USP14: variants seen among roughly 807,000 people sequenced by gnomAD.
The protein encoded by USP14 is ubiquitin specific peptidase 14.
In USP14, 38 loss-of-function variants were observed where a neutral mutation model predicts 76.5. That is an observed-to-expected ratio of 0.50 (90% CI 0.38 to 0.65). The LOEUF (loss-of-function observed/expected upper bound fraction) is 0.65, where lower values mean the gene tolerates loss of function less well. Among genes scored for constraint, USP14 ranks in the 30% least tolerant of loss-of-function variants. The probability of loss-of-function intolerance (pLI) is 0.00; values close to 1 mark genes in which losing one functional copy is unlikely to be tolerated. For missense variants in USP14, 467 were observed against 586.5 expected (o/e 0.80, Z 2.10); for synonymous variants, 192 against 191.7 (o/e 1.00, Z -0.01).
intron 6 of USP14, among the ~76,000 whole-genome samples, chr18:193,234 G>C (rs1226012197): frequency 1.3e-5 from 2 of 152,124 alleles, no homozygotes; most frequent in African/African-American, 2.4e-5. Context: ...TTATAAAAGA[G>C]GGTCTTAGTG....
rs1025862336 is a variant in USP14, at chr18:178,082, G to A, written c.196-851G>A. Among the ~76,000 whole-genome samples, 120 of 152,236 alleles carry A rather than the reference G, an allele frequency of 7.9e-4. 2 individuals carry two copies. The highest frequency in any genetic ancestry group is 2.7e-3 in the African/African-American group (111 of 41,534). On this transcript the variant is annotated intron_variant, in intron 3 of 15. Transcript: ENST00000261601. ...TCGCGCAGGCTGGAATGCAAGTGGT[G>A]TGATCACAGCTCACCACAGCCTCAA...
intron 15 of USP14, among the ~76,000 whole-genome samples, chr18:210,790 T>A (rs1910649154): frequency 6.6e-6 from 1 of 152,246 alleles, no homozygotes; most frequent in South Asian, 2.1e-4. Context: ...CTTTCTGTTG[T>A]CTGGCTTAAA....
intron 3 of USP14, among the ~76,000 whole-genome samples, chr18:178,043 G>A (rs1037479657): frequency 2.6e-5 from 4 of 151,800 alleles, no homozygotes; most frequent in African/African-American, 7.3e-5. Flanking sequence ...TTTTTGAGAC[G>A]GGGTCTCCCT....
chr18:165,923 A>G (rs930134432), intron 2 of USP14, among the ~76,000 whole-genome samples: 2 of 152,332 alleles, frequency 1.3e-5, no homozygotes, highest in East Asian at 1.9e-4. Flanking sequence ...AAAGGGAGTA[A>G]TATAGAATCG....
In USP14 at chr18:161,022, G is replaced by A. The variant is rs559713211; in HGVS notation, c.17-2286G>A. Among the ~76,000 whole-genome samples the A allele has an allele frequency of 4.6e-5, 7 of 152,250 alleles. No homozygotes were observed. In the South Asian group the frequency reaches 1.0e-3, roughly 23 times the overall value. ...GGCTCACTGCGACCTCCACCTCCTG[G>A]TTTCAAGCGATTCTCCTGCCTCAGT... On this transcript the variant is annotated intron_variant, in intron 1 of 15. Transcript: ENST00000261601.
chr18:181,550 T>G (rs180879168), intron 5 of USP14, among the ~76,000 whole-genome samples: 12 of 152,346 alleles, frequency 7.9e-5, no homozygotes, highest in Admixed American at 3.9e-4. Flanking sequence ...TTCAATTGTG[T>G]TTTTACATAT....
Position 214,509 on chromosome 18 carries a change from CTG to C in USP14, c.*3227_*3228del. The C allele has an allele frequency of 1.2e-6, 1 of 821,420 alleles. No individual in the cohort carries two copies. Among genetic ancestry groups the C allele is most frequent in the Admixed American group, 2.9e-5 (1 of 34,838 alleles). The allele number at this position is 821,420 out of a possible 1,614,324, so 50.9% of individuals were successfully genotyped here. ...CTATTGTTCTCAGAGCACCAGCCGA[CTG>C]TACAACAATTGTTATAAAAATGTTT... On this transcript the variant is annotated 3_prime_UTR_variant, in exon 16 of 16. Coordinates refer to ENST00000261601, the MANE Select transcript of USP14 (RefSeq NM_005151.4).
intron 15 of USP14, 25 bp downstream of exon 15, chr18:210,518 G>C (rs1910642451): frequency 6.8e-7 from 1 of 1,479,504 alleles, no homozygotes; most frequent in Admixed American, 1.9e-5. Flanking sequence ...TTTTTCAACT[G>C]TTCAATATTA....
chr18:180,289 C>G lies in USP14; in HGVS notation c.354C>G (p.Ala118=). The change falls in exon 5 of 16, where the codon GCC becomes GCG. Residue 118 remains alanine, a synonymous_variant. Coordinates refer to ENST00000261601, the MANE Select transcript of USP14 (RefSeq NM_005151.4). ...TNLGNTCYMN[A]TVQCIRSVPE... ...TTGGTAACACTTGTTACATGAATGC[C>G]ACAGTTCAGTGTATTCGTTCTGTGC... 1 of 1,586,530 alleles carries G rather than the reference C, an allele frequency of 6.3e-7. No homozygotes were observed. The highest frequency in any genetic ancestry group is 2.3e-5 in the East Asian group (1 of 43,422).
chr18:164,615 G>A (rs1247809238), intron 2 of USP14, among the ~76,000 whole-genome samples: 2 of 151,858 alleles, frequency 1.3e-5, no homozygotes, highest in East Asian at 1.9e-4. Context: ...CACCATGCCC[G>A]GCTAATTTTT....
intron 10 of USP14, among the ~76,000 whole-genome samples, chr18:199,637 G>T (rs940261533): frequency 6.6e-6 from 1 of 152,184 alleles, no homozygotes; most frequent in Non-Finnish European, 1.5e-5. Flanking sequence ...GTTTCTAGGT[G>T]TGGGAAGGCT....
chr18:211,255 G>A lies in USP14; in HGVS notation c.1456G>A (p.Glu486Lys), dbSNP rs763757165. Residue 486 changes from glutamate (E) to lysine (K), a missense_variant, in exon 16 of 16, where the codon GAA becomes AAA. By Grantham distance (56) the Glu-to-Lys change is moderately conservative (BLOSUM62 1). Coordinates refer to ENST00000261601, the MANE Select transcript of USP14 (RefSeq NM_005151.4). ...YVLLYGPRRV[E>K]IMEEESEQ Reference sequence around the variant, plus strand: ...TCTACTCTATGGGCCTCGCAGAGTTGAAATAATGGAAGAGGAAAGTGAACA... The same window carrying A: ...TCTACTCTATGGGCCTCGCAGAGTTAAAATAATGGAAGAGGAAAGTGAACA... 5.5e-5 allele frequency: 88 copies of A among 1,610,782 alleles called. No individual in the cohort carries two copies. The East Asian group carries it at 1.9e-3, about 36-fold the overall frequency.
At chr18:192,411 A>G (rs905598393) in intron 5 of USP14, among the ~76,000 whole-genome samples, 37 of 152,182 alleles carry the variant, frequency 2.4e-4, no homozygotes, top group Admixed American at 2.2e-3. Context: ...TAGAAATACA[A>G]AAATTAGCTG....
intron 5 of USP14, among the ~76,000 whole-genome samples, chr18:185,810 T>C (rs2063279561): frequency 6.6e-6 from 1 of 151,758 alleles, no homozygotes; most frequent in Non-Finnish European, 1.5e-5. Flanking sequence ...CCTCCTGACT[T>C]GGCTTCCCGA....
chr18:176,904 G>GA lies in USP14; in HGVS notation c.196-2029_196-2028insA, dbSNP rs1243661674. On this transcript the variant is annotated intron_variant, in intron 3 of 15. Transcript: ENST00000261601. ...CCCTTTTCCTAATAATTTTTTAAGGGCATTGTTTTAGTCTCTATTCTTTTT... is the reference window on the plus strand; with the variant it reads ...CCCTTTTCCTAATAATTTTTTAAGGGACATTGTTTTAGTCTCTATTCTTTTT... Among the ~76,000 whole-genome samples, 699 of 151,836 alleles carry GA rather than the reference G, an allele frequency of 4.6e-3. 5 individuals are homozygous for GA. Among genetic ancestry groups the GA allele is most frequent in the Non-Finnish European group, 7.7e-3 (522 of 67,932 alleles).
chr18:169,023 G>A (rs1909361388), intron 3 of USP14, among the ~76,000 whole-genome samples: 1 of 151,910 alleles, frequency 6.6e-6, no homozygotes, highest in South Asian at 2.1e-4. Flanking sequence ...GTTGCAGTGA[G>A]CTGAAATTGT....
At chr18:172,840 G>A (rs977858641) in intron 3 of USP14, among the ~76,000 whole-genome samples, 2 of 152,100 alleles carry the variant, frequency 1.3e-5, no homozygotes, top group African/African-American at 4.8e-5. Context: ...GAAAATTTTT[G>A]TGTGACTTGC....
At chr18:166,013 A>G (rs1909261053) in intron 2 of USP14, among the ~76,000 whole-genome samples, 3 of 30,548 alleles carry the variant, frequency 9.8e-5, no homozygotes, top group Admixed American at 5.1e-4. Flanking sequence ...TAAAAAAAAA[A>G]TTCTTGATTT....
Position 198,064 on chromosome 18 carries a change from A to T in USP14, c.693A>T (p.Ala231=), listed in dbSNP as rs1046951555. ...TTTTGCAGACAGACTCCTCATCTGC[A>T]TCGGCAGCGACACCTTCTAAAAAGA... ...DSVKETDSSS[A]SAATPSKKKS... Residue 231 remains alanine, a synonymous_variant, in exon 9 of 16, where the codon GCA becomes GCT. Transcript: ENST00000261601. 1 of 1,610,170 alleles carries T rather than the reference A, an allele frequency of 6.2e-7. No individual in the cohort carries two copies. The highest frequency in any genetic ancestry group is 8.5e-7 in the Non-Finnish European group (1 of 1,177,678).
Sources: gnomAD v4.1 joint callset for allele counts (sites outside exome capture counted in the v4.1 genomes callset) on GRCh38, gnomAD v4.1.1 for gene constraint, MANE v1.5 for transcripts, NCBI Gene and HGNC (gene_info 2026-07-23, HGNC 2026-07-21) for gene names.